SGCZ: variants seen among roughly 807,000 people sequenced by gnomAD.
SGCZ encodes the protein sarcoglycan zeta.
In SGCZ, 40 loss-of-function variants were observed where a neutral mutation model predicts 41.3. The observed-to-expected ratio is 0.97, with a 90% confidence interval of 0.75 to 1.26. The LOEUF is 1.26. Among genes scored for constraint, SGCZ ranks in the 50% most tolerant of loss-of-function variants. SGCZ has a pLI of 0.00. For synonymous variants in SGCZ, 206 were observed against 137.5 expected (o/e 1.50, Z -3.49); for missense variants, 552 against 369.8 (o/e 1.49, Z -4.04).
chr8:14,174,176 A>C (rs1480248618), intron 4 of SGCZ, among the ~76,000 whole-genome samples: 10 of 152,154 alleles, frequency 6.6e-5, no homozygotes, highest in Non-Finnish European at 1.3e-4. Context: ...TAGTTAATAC[A>C]ATCTTTAAAA....
At chr8:14,512,743 G>C (rs958503322) in intron 2 of SGCZ, among the ~76,000 whole-genome samples, 7 of 152,006 alleles carry the variant, frequency 4.6e-5, no homozygotes, top group African/African-American at 1.4e-4. Context: ...GGGACGATAA[G>C]TGTGCATCAC....
chr8:15,014,661 C>T (rs930440034), intron 1 of SGCZ, among the ~76,000 whole-genome samples: 2 of 152,138 alleles, frequency 1.3e-5, no homozygotes, highest in African/African-American at 4.8e-5. Flanking sequence ...ACACCCTTCA[C>T]ATTTGAGAGC....
chr8:14,216,472 C>T (rs1805997210), intron 4 of SGCZ, among the ~76,000 whole-genome samples: 1 of 152,114 alleles, frequency 6.6e-6, no homozygotes, highest in Non-Finnish European at 1.5e-5. Flanking sequence ...AAACAAACTT[C>T]CTAGAGTCCA....
chr8:14,115,054 G>GA (rs1317332022), intron 5 of SGCZ, among the ~76,000 whole-genome samples: 5 of 151,812 alleles, frequency 3.3e-5, no homozygotes, highest in East Asian at 1.9e-4. Flanking sequence ...CAAAAAAAAT[G>GA]AAAAAATTAC....
At chr8:14,626,248 C>A (rs1806450137) in intron 1 of SGCZ, among the ~76,000 whole-genome samples, 1 of 152,030 alleles carries the variant, frequency 6.6e-6, no homozygotes, top group Admixed American at 6.6e-5. Flanking sequence ...CAGCTACCAA[C>A]CCACCACCTA....
chr8:15,155,826 G>C (rs925901054), intron 1 of SGCZ, among the ~76,000 whole-genome samples: 11 of 152,152 alleles, frequency 7.2e-5, no homozygotes, highest in African/African-American at 2.7e-4. Context: ...GGGAGTCTGA[G>C]GCAGGTGGAC....
intron 1 of SGCZ, among the ~76,000 whole-genome samples, chr8:14,935,676 C>G (rs922944701): frequency 6.6e-6 from 1 of 151,530 alleles, no homozygotes; most frequent in Non-Finnish European, 1.5e-5. Flanking sequence ...ATAAATACAA[C>G]AAAATTATAA....
intron 1 of SGCZ, among the ~76,000 whole-genome samples, chr8:14,612,897 G>A (rs1805975155): frequency 6.6e-6 from 1 of 152,094 alleles, no homozygotes; most frequent in African/African-American, 2.4e-5. Flanking sequence ...TGTTGCCCAG[G>A]GTAGCCTCGA....
chr8:14,328,080 A>G (rs2117043727), intron 2 of SGCZ, among the ~76,000 whole-genome samples: 1 of 152,272 alleles, frequency 6.6e-6, no homozygotes, highest in African/African-American at 2.4e-5. Context: ...GTATGAAAAA[A>G]CGAATTTTCA....
At chr8:14,373,904 G>A (rs761965891) in intron 2 of SGCZ, among the ~76,000 whole-genome samples, 1 of 152,054 alleles carries the variant, frequency 6.6e-6, no homozygotes, top group Non-Finnish European at 1.5e-5. Flanking sequence ...TGGTTGATGG[G>A]TGCAGCAATC....
At chr8:14,999,622 T>G (rs1012678954) in intron 1 of SGCZ, among the ~76,000 whole-genome samples, 1 of 151,958 alleles carries the variant, frequency 6.6e-6, no homozygotes, top group Non-Finnish European at 1.5e-5. Flanking sequence ...CTTCTCTCTA[T>G]GCAATGTGGT....
intron 5 of SGCZ, among the ~76,000 whole-genome samples, chr8:14,121,871 G>T (rs755192286): frequency 3.3e-5 from 5 of 152,092 alleles, no homozygotes; most frequent in Non-Finnish European, 7.4e-5. Flanking sequence ...GACTATGTAG[G>T]TTTTTTAAAA....
At chr8:14,463,236 G>C (rs1352359946) in intron 2 of SGCZ, among the ~76,000 whole-genome samples, 2 of 150,992 alleles carry the variant, frequency 1.3e-5, no homozygotes, top group Admixed American at 1.3e-4. Context: ...AATCTCATGA[G>C]AGCTCAAATA....
At chr8:14,685,374 A>G (rs1269208237) in intron 1 of SGCZ, among the ~76,000 whole-genome samples, 3 of 152,168 alleles carry the variant, frequency 2.0e-5, no homozygotes, top group African/African-American at 7.2e-5. Flanking sequence ...AGCTTGAGCT[A>G]TTAAGGCACG....
At chr8:14,477,974 A>G (rs1325238925) in intron 2 of SGCZ, among the ~76,000 whole-genome samples, 1 of 152,214 alleles carries the variant, frequency 6.6e-6, no homozygotes, top group Non-Finnish European at 1.5e-5. Context: ...AATGAGTTGA[A>G]GACTTTAATT....
intron 1 of SGCZ, among the ~76,000 whole-genome samples, chr8:14,785,284 A>G (rs1800733502): frequency 6.6e-6 from 1 of 152,042 alleles, no homozygotes; most frequent in Non-Finnish European, 1.5e-5. Context: ...AAAGAACCAG[A>G]CAAAAAGTTG....
chr8:14,450,683 T>C (rs559173024), intron 2 of SGCZ, among the ~76,000 whole-genome samples: 2 of 152,284 alleles, frequency 1.3e-5, no homozygotes, highest in South Asian at 2.1e-4. Context: ...ACCACTTAGA[T>C]TTTAATTTAA....
chr8:14,181,719 A>ACAT (rs1804733280), intron 4 of SGCZ, among the ~76,000 whole-genome samples: 1 of 152,186 alleles, frequency 6.6e-6, no homozygotes, highest in Admixed American at 6.5e-5. Context: ...GCTATGTAAT[A>ACAT]CATCCCTTTG....
At chr8:14,492,128 G>A (rs1189025435) in intron 2 of SGCZ, among the ~76,000 whole-genome samples, 1 of 152,168 alleles carries the variant, frequency 6.6e-6, no homozygotes, top group African/African-American at 2.4e-5. Flanking sequence ...GAGAATAATA[G>A]ATGTGTTAAA....
Sources: allele counts gnomAD v4.1 joint callset (sites outside exome capture counted in the v4.1 genomes callset), GRCh38; gene constraint gnomAD v4.1.1; transcripts MANE v1.5; gene names NCBI Gene and HGNC (gene_info 2026-07-23, HGNC 2026-07-21).